ARMC2: variants seen among roughly 807,000 people sequenced by gnomAD.
ARMC2 encodes the protein armadillo repeat containing 2.
A neutral mutation model predicts 90.3 loss-of-function variants in ARMC2; 67 were observed. That is an observed-to-expected ratio of 0.74 (90% CI 0.61 to 0.91). ARMC2 has a LOEUF of 0.91. Among genes scored for constraint, ARMC2 ranks in the 40% least tolerant of loss-of-function variants. The pLI is 0.00. For missense variants in ARMC2, 920 were observed against 1,030.9 expected (o/e 0.89, Z 1.47); for synonymous variants, 393 against 393.0 (o/e 1.00, Z 0.00).
intron 10 of ARMC2, among the ~76,000 whole-genome samples, chr6:108,918,354 C>T (rs577892692): frequency 3.3e-5 from 5 of 152,180 alleles, no homozygotes; most frequent in Non-Finnish European, 5.9e-5. Flanking sequence ...TGGAGCCGTG[C>T]GAATAGGCGA....
intron 5 of ARMC2, among the ~76,000 whole-genome samples, chr6:108,877,665 A>G (rs1301689997): frequency 6.6e-6 from 1 of 152,242 alleles, no homozygotes; most frequent in Non-Finnish European, 1.5e-5. Context: ...GGAAACATTT[A>G]TCTTGCTGCA....
At chr6:108,886,297 C>T (rs546813549) in intron 5 of ARMC2, among the ~76,000 whole-genome samples, 33 of 152,306 alleles carry the variant, frequency 2.2e-4, no homozygotes, top group African/African-American at 7.7e-4. Context: ...GTGGCTCACG[C>T]CTGTAATCCC....
intron 5 of ARMC2, 149 bp downstream of exon 5, chr6:108,876,499 C>CTAT: frequency 1.4e-6 from 1 of 717,590 alleles, no homozygotes; most frequent in Non-Finnish European, 2.3e-6. Flanking sequence ...GAGACTACTT[C>CTAT]TCATGGCCAA....
Position 108,862,342 on chromosome 6 carries a change from C to CAAAAA in ARMC2, c.291+4083_291+4087dup, listed in dbSNP as rs71551359. The stretch of plus-strand genomic sequence containing the variant: ...CTGGGTAATAGAGTGAGACTCATCT[C>CAAAAA]AAAAAAAAAAAAAAAACAAAAAAAA... On this transcript the variant is annotated intron_variant, in intron 3 of 17. Transcript: ENST00000392644. Among the ~76,000 whole-genome samples the CAAAAA allele has an allele frequency of 7.1e-4, 26 of 36,434 alleles. 1 individual carries two copies. The highest frequency in any genetic ancestry group is 1.2e-3 in the African/African-American group (11 of 9,228). 23.9% of individuals were successfully genotyped at this position (36,434 alleles called of 152,430 possible). A position where few individuals can be genotyped will look rare whatever the true frequency, so the allele number is the denominator to read the frequency against.
At chr6:108,907,731 A>G (rs1772931975) in intron 8 of ARMC2, 1 of 1,610,068 alleles carries the variant, frequency 6.2e-7, no homozygotes, top group East Asian at 2.2e-5. Flanking sequence ...ACATTGATGT[A>G]CTTGTAGTAC....
intron 3 of ARMC2, among the ~76,000 whole-genome samples, chr6:108,862,775 G>C (rs1775409672): frequency 6.6e-6 from 1 of 152,280 alleles, no homozygotes; most frequent in Admixed American, 6.5e-5. Flanking sequence ...CTAACCAGTT[G>C]AATCTCAGTG....
At chr6:108,992,763 T>C in the ARMC2 span, 111 of 1,360,534 alleles carry the variant, frequency 8.2e-5, no homozygotes, top group South Asian at 1.2e-3. Flanking sequence ...TAGTCAATCA[T>C]GTGCATACAA....
the ARMC2 span, among the ~76,000 whole-genome samples, chr6:109,043,940 G>A: frequency 6.6e-6 from 1 of 152,102 alleles, no homozygotes; most frequent in South Asian, 2.1e-4. Flanking sequence ...CATGATATTG[G>A]TGAAAGGACA....
chr6:108,941,938 C>T (rs1357906564), intron 12 of ARMC2, among the ~76,000 whole-genome samples: 1 of 151,888 alleles, frequency 6.6e-6, no homozygotes, highest in Non-Finnish European at 1.5e-5. Flanking sequence ...TTATATTTTC[C>T]TCAAAACCAA....
At chr6:108,886,374 A>G (rs1024269767) in intron 5 of ARMC2, among the ~76,000 whole-genome samples, 2 of 152,222 alleles carry the variant, frequency 1.3e-5, no homozygotes, top group African/African-American at 4.8e-5. Flanking sequence ...CTTGTCCAAC[A>G]TGGTGAAACC....
At chr6:108,879,870 A>C in intron 5 of ARMC2, 1 of 461,778 alleles carries the variant, frequency 2.2e-6, no homozygotes, top group Non-Finnish European at 4.5e-6. Flanking sequence ...TCAGGGGCTC[A>C]GTTTTCTAAT....
chr6:108,915,359 C>G (rs1025351401), intron 10 of ARMC2, among the ~76,000 whole-genome samples: 1 of 151,934 alleles, frequency 6.6e-6, no homozygotes, highest in Non-Finnish European at 1.5e-5. Context: ...GAGAACATGA[C>G]GAGGGCCAAA....
At chr6:108,986,966 T>C in the ARMC2 span, 1 of 152,706 alleles carries the variant, frequency 6.5e-6, no homozygotes, top group Non-Finnish European at 1.5e-5. Flanking sequence ...GTTGCTGAGC[T>C]GTGTGAGTAG....
intron 1 of ARMC2, among the ~76,000 whole-genome samples, chr6:108,852,077 A>G (rs1774068926): frequency 6.6e-6 from 1 of 152,170 alleles, no homozygotes; most frequent in African/African-American, 2.4e-5. Flanking sequence ...GAATTTCTGT[A>G]GGACTATTGT....
At chr6:108,988,594 AAC>A in the ARMC2 span, 1 of 1,613,418 alleles carries the variant, frequency 6.2e-7, no homozygotes, top group African/African-American at 1.3e-5. Context: ...TTCTTTTGGT[AAC>A]CTTTTCAGGA....
the ARMC2 span, among the ~76,000 whole-genome samples, chr6:109,034,080 C>G: frequency 2.0e-5 from 3 of 152,170 alleles, no homozygotes; most frequent in African/African-American, 7.2e-5. Flanking sequence ...GTGGTTAATA[C>G]TAAGTGGTCA....
the ARMC2 span, chr6:109,002,417 G>T: frequency 8.4e-7 from 1 of 1,193,104 alleles, no homozygotes; most frequent in Non-Finnish European, 1.2e-6. Context: ...GAATGGGAGG[G>T]AAAAACAACC....
At chr6:108,993,400 A>T in the ARMC2 span, among the ~76,000 whole-genome samples, 1 of 152,224 alleles carries the variant, frequency 6.6e-6, no homozygotes, top group Admixed American at 6.5e-5. Context: ...CATCATGTTT[A>T]GGAGTTGATG....
chr6:108,888,519 T>A (rs1770608773), intron 5 of ARMC2, among the ~76,000 whole-genome samples: 1 of 152,234 alleles, frequency 6.6e-6, no homozygotes, highest in African/African-American at 2.4e-5. Context: ...TAAAGATTTG[T>A]TTCATGCAGT....
Sources: gnomAD v4.1 joint callset for allele counts (sites outside exome capture counted in the v4.1 genomes callset) on GRCh38, gnomAD v4.1.1 for gene constraint, MANE v1.5 for transcripts, NCBI Gene and HGNC (gene_info 2026-07-23, HGNC 2026-07-21) for gene names.